SYCP1: variants seen among roughly 807,000 people sequenced by gnomAD.
SYCP1 encodes the protein synaptonemal complex protein 1.
A neutral mutation model predicts 153.1 loss-of-function variants in SYCP1; 64 were observed. That is an observed-to-expected ratio of 0.42 (90% CI 0.34 to 0.51). SYCP1 has a LOEUF of 0.51. Ranked by LOEUF, SYCP1 falls within the 20% of genes least tolerant of loss-of-function variation. SYCP1 has a pLI of 0.06. For synonymous variants in SYCP1, 384 were observed against 341.8 expected (o/e 1.12, Z -1.36); for missense variants, 997 against 1,049.0 (o/e 0.95, Z 0.68).
At chr1:114,977,479 T>G (rs1672874818) in intron 27 of SYCP1, 78 bp from the exon 28 acceptor site, 8 of 892,942 alleles carry the variant, frequency 9.0e-6, no homozygotes, top group African/African-American at 1.8e-5. Context: ...TAATACTTAC[T>G]AGGAAAGATT....
At chr1:114,895,915 G>A (rs1667030616) in intron 16 of SYCP1, among the ~76,000 whole-genome samples, 1 of 152,048 alleles carries the variant, frequency 6.6e-6, no homozygotes, top group African/African-American at 2.4e-5. Flanking sequence ...AAATTTCATT[G>A]TATTTTAATT....
Position 114,994,988 on chromosome 1 carries a change from A to G in SYCP1, c.2900A>G (p.Lys967Arg), listed in dbSNP as rs934415156. 2 of 1,602,588 alleles carry G rather than the reference A, an allele frequency of 1.2e-6. No individual in the cohort carries two copies. Among genetic ancestry groups the G allele is most frequent in the Non-Finnish European group, 1.7e-6 (2 of 1,175,120 alleles). ...ATTGCTAAAATGGATAGAAAAAAAAAACTAAAAGAAGCTGAAAAGTTATTT... is the reference window on the plus strand; with the variant it reads ...ATTGCTAAAATGGATAGAAAAAAAAGACTAAAAGAAGCTGAAAAGTTATTT... Reference protein sequence around the residue: ...AVIAKMDRKKKLKEAEKLFV With the variant: ...AVIAKMDRKKRLKEAEKLFV Residue 967 changes from lysine to arginine, a missense_variant, in exon 32 of 32, where the codon AAA (lysine) becomes AGA (arginine). Around this residue, in one of 2 missense-constraint regions of SYCP1, gnomAD observed 712 missense variants for 682.9 expected, o/e 1.04. Transcript: ENST00000369522.
chr1:114,935,923 C>A (rs1196351768), intron 23 of SYCP1, among the ~76,000 whole-genome samples: 3 of 152,056 alleles, frequency 2.0e-5, no homozygotes, highest in Admixed American at 6.6e-5. Context: ...GCCTACCAAC[C>A]AAAATAAGTC....
chr1:114,902,275 C>A (rs1481597592), intron 16 of SYCP1, among the ~76,000 whole-genome samples: 1 of 152,032 alleles, frequency 6.6e-6, no homozygotes, highest in African/African-American at 2.4e-5. Context: ...GGCTTAGAAG[C>A]GAAAGAGAAA....
rs796959429 is a variant in SYCP1, at chr1:114,861,492, T to G, written c.598+683T>G. Among the ~76,000 whole-genome samples the G allele has an allele frequency of 2.6e-5, 4 of 152,162 alleles. No individual in the cohort carries two copies. The East Asian group carries it at 5.8e-4, about 22-fold the overall frequency. On this transcript the variant is annotated intron_variant, in intron 8 of 31. Coordinates refer to ENST00000369522, the MANE Select transcript of SYCP1 (RefSeq NM_003176.4). ...CCTGCTTTTTCGGGATATTCTCTATTTTTCTTAGCTAAAAATTTTAATTTG... is the reference window on the plus strand; with the variant it reads ...CCTGCTTTTTCGGGATATTCTCTATGTTTCTTAGCTAAAAATTTTAATTTG...
intron 7 of SYCP1, 74 bp downstream of exon 7, chr1:114,859,884 A>G (rs1428098142): frequency 2.0e-6 from 1 of 490,244 alleles, no homozygotes; most frequent in Admixed American, 5.7e-5. Flanking sequence ...AATTTTCAAA[A>G]ACATATTGAG....
intron 20 of SYCP1, among the ~76,000 whole-genome samples, chr1:114,920,041 G>A (rs1668764483): frequency 6.6e-6 from 1 of 151,484 alleles, no homozygotes; most frequent in South Asian, 2.1e-4. Flanking sequence ...TTTGGGTTTG[G>A]TTTGCTCTTC....
At chr1:114,960,748 C>T (rs1426455716) in intron 27 of SYCP1, among the ~76,000 whole-genome samples, 3 of 152,010 alleles carry the variant, frequency 2.0e-5, no homozygotes, top group Non-Finnish European at 2.9e-5. Context: ...CTGTTAGACT[C>T]GGTTAGCTAG....
At chr1:114,938,054 C>A (rs1338565612) in intron 23 of SYCP1, among the ~76,000 whole-genome samples, 1 of 152,120 alleles carries the variant, frequency 6.6e-6, no homozygotes, top group Non-Finnish European at 1.5e-5. Context: ...TGGTTATATA[C>A]CCAAAGGATT....
intron 29 of SYCP1, among the ~76,000 whole-genome samples, chr1:114,982,501 C>G (rs995565817): frequency 6.6e-6 from 1 of 151,556 alleles, no homozygotes; most frequent in Non-Finnish European, 1.5e-5. Context: ...CTATTGAGCC[C>G]TTCTAGTAAA....
At chr1:114,973,277 A>C (rs534981322) in intron 27 of SYCP1, among the ~76,000 whole-genome samples, 7 of 152,006 alleles carry the variant, frequency 4.6e-5, no homozygotes, top group Non-Finnish European at 1.0e-4. Flanking sequence ...CTTTATGTCT[A>C]GTATGTTCTG....
intron 15 of SYCP1, among the ~76,000 whole-genome samples, chr1:114,887,981 T>C (rs1666429150): frequency 6.6e-6 from 1 of 152,102 alleles, no homozygotes; most frequent in Non-Finnish European, 1.5e-5. Flanking sequence ...CTGTTTTCTT[T>C]ATTTTAGGAT....
rs1670610040 is a variant in SYCP1 at position 114,944,918 on chromosome 1, AAG to A, written c.2092_2093del (p.Glu698AsnfsTer2). ...GCTGATGAAGCAGTAAAATTACAGAAAGAAATTGATAAGCGATGTCAACATAA... is the reference window on the plus strand; with the variant it reads ...GCTGATGAAGCAGTAAAATTACAGAAAAATTGATAAGCGATGTCAACATAA... On this transcript the variant is annotated frameshift_variant, in exon 25 of 32. Transcript: ENST00000369522. LOFTEE classifies it high-confidence loss of function. 1 of 1,605,936 alleles carries A rather than the reference AAG, an allele frequency of 6.2e-7. No homozygotes were observed. Among genetic ancestry groups the A allele is most frequent in the South Asian group, 1.1e-5 (1 of 88,882 alleles).
At chr1:114,983,504 CT>C (rs1673303410) in intron 29 of SYCP1, among the ~76,000 whole-genome samples, 2 of 151,974 alleles carry the variant, frequency 1.3e-5, no homozygotes, top group Admixed American at 1.3e-4. Flanking sequence ...CTTGCAGAGA[CT>C]CACCAGACAA....
intron 23 of SYCP1, among the ~76,000 whole-genome samples, chr1:114,933,223 C>T (rs1489555472): frequency 1.3e-5 from 2 of 152,190 alleles, no homozygotes; most frequent in Non-Finnish European, 2.9e-5. Flanking sequence ...CAGGCAGCAA[C>T]ATTTGCTGTT....
intron 27 of SYCP1, among the ~76,000 whole-genome samples, chr1:114,969,914 T>C (rs1186033985): frequency 6.6e-6 from 1 of 152,114 alleles, no homozygotes; most frequent in African/African-American, 2.4e-5. Context: ...CCCCGGTCCC[T>C]TGCACTTCCC....
chr1:114,960,626 T>C (rs2101881458), intron 27 of SYCP1, among the ~76,000 whole-genome samples: 1 of 152,290 alleles, frequency 6.6e-6, no homozygotes, highest in East Asian at 1.9e-4. Context: ...TGATATCTCA[T>C]TGTAGTTTTG....
intron 23 of SYCP1, 136 bp from the exon 24 acceptor site, chr1:114,944,203 G>A: frequency 1.9e-6 from 1 of 526,088 alleles, no homozygotes; most frequent in Non-Finnish European, 3.4e-6. Flanking sequence ...ATATGAAAAT[G>A]TAAGGAAAGT....
intron 27 of SYCP1, among the ~76,000 whole-genome samples, chr1:114,961,327 T>A (rs557169413): frequency 1.3e-5 from 2 of 152,328 alleles, no homozygotes; most frequent in South Asian, 4.1e-4. Flanking sequence ...GTATTTTTTG[T>A]TTCAATTTCA....
Sources: gnomAD v4.1 joint callset for allele counts (sites outside exome capture counted in the v4.1 genomes callset) on GRCh38, gnomAD v4.1.1 for gene constraint, gnomAD v4.1.1 regional missense constraint, MANE v1.5 for transcripts, NCBI Gene and HGNC (gene_info 2026-07-23, HGNC 2026-07-21) for gene names.